The following ERG variants were observed in gnomAD, a reference collection of about 807,000 sequenced individuals.
ERG encodes the protein transcriptional regulator ERG.
ERG carries 9 observed loss-of-function variants against 55.3 expected under a neutral mutation model. That is an observed-to-expected ratio of 0.16 (90% CI 0.10 to 0.28). ERG has a LOEUF of 0.28. ERG is among the 10% of genes least tolerant of loss of function. The probability of loss-of-function intolerance (pLI) is 1.00; values close to 1 mark genes in which losing one functional copy is unlikely to be tolerated. For synonymous variants in ERG, 223 were observed against 237.3 expected (o/e 0.94, Z 0.55); for missense variants, 434 against 631.6 (o/e 0.69, Z 3.35).
chr21:38,414,819 A>ATT (rs35398942), intron 3 of ERG, among the ~76,000 whole-genome samples: 2,246 of 150,218 alleles, frequency 0.015, 34 homozygotes, highest in African/African-American at 0.045. Flanking sequence ...TATTTTAAAC[A>ATT]TTTTTTTTTT....
chr21:38,641,592 T>C (rs762834021), intron 1 of ERG, among the ~76,000 whole-genome samples: 34 of 152,168 alleles, frequency 2.2e-4, no homozygotes, highest in Non-Finnish European at 3.4e-4. Context: ...AGTCATGTTA[T>C]AATACAAAAT....
chr21:38,378,995 A>G (rs1353489965), downstream of ERG, among the ~76,000 whole-genome samples: 1 of 152,190 alleles, frequency 6.6e-6, no homozygotes, highest in African/African-American at 2.4e-5. Context: ...TGACCTAGTC[A>G]TGGCTCATTA....
chr21:38,496,611 C>T (rs1188602265), intron 1 of ERG, among the ~76,000 whole-genome samples: 1 of 152,118 alleles, frequency 6.6e-6, no homozygotes, highest in Non-Finnish European at 1.5e-5. Flanking sequence ...ATACAATAAA[C>T]ACATAATGCA....
At chr21:38,541,690 G>A (rs1423932590) in intron 2 of ERG, among the ~76,000 whole-genome samples, 1 of 152,168 alleles carries the variant, frequency 6.6e-6, no homozygotes, top group East Asian at 1.9e-4. Flanking sequence ...AATATATGTA[G>A]GATAAATAAT....
chr21:38,392,994 A>G (rs751532788), intron 6 of ERG, among the ~76,000 whole-genome samples: 7 of 152,088 alleles, frequency 4.6e-5, no homozygotes, highest in African/African-American at 1.7e-4. Flanking sequence ...AATCTCATCA[A>G]TTTATATTAA....
intron 3 of ERG, among the ~76,000 whole-genome samples, chr21:38,408,919 T>C (rs561621674): frequency 6.6e-6 from 1 of 152,322 alleles, no homozygotes; most frequent in South Asian, 2.1e-4. Context: ...TGTCTCCAGG[T>C]AGCAGTGTGT....
At chr21:38,497,361 G>GTGCAGCAAAACTAAAGACA (rs1251299437) in intron 1 of ERG, among the ~76,000 whole-genome samples, 1 of 152,140 alleles carries the variant, frequency 6.6e-6, no homozygotes, top group Non-Finnish European at 1.5e-5. Flanking sequence ...TCTCACCTCC[G>GTGCAGCAAAACTAAAGACA]TGCAGCAAAA....
intron 2 of ERG, among the ~76,000 whole-genome samples, chr21:38,435,409 C>T (rs55962600): frequency 0.021 from 3,159 of 152,278 alleles, 49 homozygotes; most frequent in Non-Finnish European, 0.034. Flanking sequence ...CTGTTTCAGA[C>T]CCCATGGCTG....
chr21:38,427,940 A>T (rs976855164), intron 2 of ERG, among the ~76,000 whole-genome samples: 6 of 152,190 alleles, frequency 3.9e-5, no homozygotes, highest in Non-Finnish European at 7.3e-5. Context: ...TAATCCCAGC[A>T]TTTTGGGAGG....
At chr21:38,469,777 G>A (rs2059124071) in intron 1 of ERG, among the ~76,000 whole-genome samples, 1 of 152,190 alleles carries the variant, frequency 6.6e-6, no homozygotes, top group Non-Finnish European at 1.5e-5. Flanking sequence ...CTGTGTTGGA[G>A]TAGTCATTAT....
At chr21:38,376,830 C>T (rs928748397), downstream of ERG, among the ~76,000 whole-genome samples, 11 of 152,244 alleles carry the variant, frequency 7.2e-5, no homozygotes, top group Non-Finnish European at 1.3e-4. Flanking sequence ...ATCCTGTGTT[C>T]TCCATCAAAG....
At chr21:38,559,847 A>AT (rs1173163501) in intron 2 of ERG, among the ~76,000 whole-genome samples, 1 of 151,926 alleles carries the variant, frequency 6.6e-6, no homozygotes, top group Admixed American at 6.6e-5. Flanking sequence ...CGCCCAGCTA[A>AT]TTTTTTTGTA....
chr21:38,522,245 T>C (rs1028637182), intron 2 of ERG, among the ~76,000 whole-genome samples: 1 of 152,004 alleles, frequency 6.6e-6, no homozygotes, highest in African/African-American at 2.4e-5. Flanking sequence ...AATTACAAGA[T>C]ATAAAATGAG....
chr21:38,389,782 A>G (rs761825112), intron 9 of ERG, among the ~76,000 whole-genome samples: 2 of 152,158 alleles, frequency 1.3e-5, no homozygotes, highest in Non-Finnish European at 2.9e-5. Context: ...CATGTATGCA[A>G]CAAATAATTA....
intron 1 of ERG, among the ~76,000 whole-genome samples, chr21:38,495,869 C>T (rs2059375140): frequency 6.6e-6 from 1 of 152,202 alleles, no homozygotes; most frequent in Non-Finnish European, 1.5e-5. Flanking sequence ...GACAGTGGGG[C>T]CGGTGAGGTT....
At chr21:38,420,342 G>A (rs1989487642) in intron 3 of ERG, among the ~76,000 whole-genome samples, 1 of 152,062 alleles carries the variant, frequency 6.6e-6, no homozygotes, top group Non-Finnish European at 1.5e-5. Context: ...GTGTGTATGA[G>A]CACACATACA....
At chr21:38,521,505 G>A (rs921800657) in intron 2 of ERG, among the ~76,000 whole-genome samples, 1 of 152,152 alleles carries the variant, frequency 6.6e-6, no homozygotes, top group African/African-American at 2.4e-5. Flanking sequence ...AAAGCAAAGA[G>A]AGAAGCATAG....
intron 2 of ERG, among the ~76,000 whole-genome samples, chr21:38,442,249 C>T (rs2058848030): frequency 6.6e-6 from 1 of 152,120 alleles, no homozygotes; most frequent in South Asian, 2.1e-4. Flanking sequence ...CAAAATTTAG[C>T]CAGGCATGGT....
At chr21:38,541,784 C>T (rs1184463782) in intron 2 of ERG, among the ~76,000 whole-genome samples, 2 of 152,146 alleles carry the variant, frequency 1.3e-5, no homozygotes, top group Non-Finnish European at 2.9e-5. Flanking sequence ...AAATATCCAT[C>T]AGGATAAATA....
Sources: allele counts gnomAD v4.1 joint callset (sites outside exome capture counted in the v4.1 genomes callset), GRCh38; gene constraint gnomAD v4.1.1; transcripts MANE v1.5; gene names NCBI Gene and HGNC (gene_info 2026-07-23, HGNC 2026-07-21).